Variants in GSE1 observed in about 807,000 individuals in gnomAD.
GSE1 encodes genetic suppressor element 1.
In GSE1, 32 loss-of-function variants were observed where a neutral mutation model predicts 112.6. The ratio of observed to expected loss-of-function variants is 0.28; its 90% CI spans 0.21 to 0.38. The LOEUF is 0.38. GSE1 is among the 10% of genes least tolerant of loss of function. The pLI, the probability that GSE1 is intolerant of heterozygous loss-of-function variation, is 1.00. For synonymous variants in GSE1, 1,115 were observed against 735.6 expected (o/e 1.52, Z -8.35); for missense variants, 2,348 against 1,699.2 (o/e 1.38, Z -6.71).
intron 2 of GSE1, among the ~76,000 whole-genome samples, chr16:85,425,595 G>A (rs570467256): frequency 3.3e-5 from 5 of 152,154 alleles, no homozygotes; most frequent in East Asian, 1.9e-4. Context: ...GGGAAGAGGC[G>A]CAGTAAAGGA....
intron 2 of GSE1, among the ~76,000 whole-genome samples, chr16:85,448,968 G>A (rs563898439): frequency 2.0e-5 from 3 of 152,102 alleles, no homozygotes; most frequent in Admixed American, 1.3e-4. Flanking sequence ...GCCTCTCCCC[G>A]CCCCTCCACC....
chr16:85,628,508 G>A (rs536609394), intron 1 of GSE1, among the ~76,000 whole-genome samples: 81 of 152,248 alleles, frequency 5.3e-4, no homozygotes, highest in African/African-American at 1.9e-3. Flanking sequence ...TCAGACCCAG[G>A]CATTGGAGGG....
chr16:85,560,150 T>TTTTTTTTCTA (rs1179259849), intron 1 of GSE1, among the ~76,000 whole-genome samples: 1 of 145,126 alleles, frequency 6.9e-6, no homozygotes, highest in African/African-American at 2.6e-5. Flanking sequence ...TTTTTTTTTT[T>TTTTTTTTCTA]ATGTGAGACG....
At chr16:85,225,132 A>AG (rs1008862764) in intron 1 of GSE1, among the ~76,000 whole-genome samples, 1 of 152,186 alleles carries the variant, frequency 6.6e-6, no homozygotes, top group African/African-American at 2.4e-5. Context: ...TTAAAAAAAA[A>AG]AAAGAAAGAA....
intron 3 of GSE1, among the ~76,000 whole-genome samples, chr16:85,649,393 A>G (rs990683049): frequency 1.3e-5 from 2 of 152,238 alleles, no homozygotes; most frequent in Non-Finnish European, 2.9e-5. Flanking sequence ...GAATTGAGGT[A>G]GGAAAGATCC....
At chr16:85,645,756 C>T (rs978639558) in intron 2 of GSE1, among the ~76,000 whole-genome samples, 4 of 152,242 alleles carry the variant, frequency 2.6e-5, no homozygotes, top group Admixed American at 2.0e-4. Context: ...GGCAGGATGC[C>T]GGGAGCTGAT....
Position 85,385,754 on chromosome 16 carries a change from C to T in GSE1, c.2464+28111C>T, listed in dbSNP as rs937945523. ...TCCTGGAGCCCTTCCGAGGCCTCGGCGGTAATGGGGTCATAGATCACTCCC... is the reference window on the plus strand; with the variant it reads ...TCCTGGAGCCCTTCCGAGGCCTCGGTGGTAATGGGGTCATAGATCACTCCC... On this transcript the variant is annotated intron_variant, in intron 2 of 2. Coordinates refer to the GSE1 transcript ENST00000637419. Among the ~76,000 whole-genome samples the T allele has an allele frequency of 2.0e-5, 3 of 152,194 alleles. No homozygotes were observed. In the East Asian group the frequency reaches 5.8e-4, roughly 29 times the overall value.
intron 2 of GSE1, among the ~76,000 whole-genome samples, chr16:85,366,804 A>G (rs1415979598): frequency 6.6e-6 from 1 of 152,274 alleles, no homozygotes; most frequent in Non-Finnish European, 1.5e-5. Context: ...GAATAAAAGC[A>G]GATCTTTATA....
chr16:85,377,187 C>T (rs899557838), intron 2 of GSE1, among the ~76,000 whole-genome samples: 4 of 152,188 alleles, frequency 2.6e-5, no homozygotes, highest in Admixed American at 1.3e-4. Context: ...TGCAGGAAGC[C>T]GTTTCTGTCC....
chr16:85,437,812 GTGGT>G (rs946400215), intron 2 of GSE1, among the ~76,000 whole-genome samples: 1 of 152,224 alleles, frequency 6.6e-6, no homozygotes, highest in African/African-American at 2.4e-5. Flanking sequence ...GCTATGTTCA[GTGGT>G]TGGACCGGCT....
intron 1 of GSE1, among the ~76,000 whole-genome samples, chr16:85,286,839 A>G (rs987122488): frequency 6.6e-6 from 1 of 152,174 alleles, no homozygotes; most frequent in Non-Finnish European, 1.5e-5. Context: ...TGTAGGGATT[A>G]AAAACAAAAT....
At chr16:85,354,158 C>T (rs2046904148) in intron 1 of GSE1, among the ~76,000 whole-genome samples, 1 of 152,228 alleles carries the variant, frequency 6.6e-6, no homozygotes, top group Non-Finnish European at 1.5e-5. Flanking sequence ...TCCTATAGTA[C>T]TTGTCATCTG....
At chr16:85,568,517 A>C (rs940442224) in intron 1 of GSE1, among the ~76,000 whole-genome samples, 2 of 152,290 alleles carry the variant, frequency 1.3e-5, no homozygotes, top group Non-Finnish European at 2.9e-5. Context: ...TCCATGGTAA[A>C]TTATTAATTT....
At chr16:85,624,499 G>A (rs554277962) in intron 1 of GSE1, among the ~76,000 whole-genome samples, 2 of 152,318 alleles carry the variant, frequency 1.3e-5, no homozygotes, top group South Asian at 2.1e-4. Flanking sequence ...GCACTAGGGT[G>A]GGCACCCAAA....
chr16:85,341,162 G>A (rs78473945), intron 1 of GSE1, among the ~76,000 whole-genome samples: 2 of 151,926 alleles, frequency 1.3e-5, no homozygotes, highest in Admixed American at 6.5e-5. Context: ...AAGAACATGC[G>A]AGTTTTTCTA....
chr16:85,671,074 A>C lies in GSE1; in HGVS notation c.3495A>C (p.Ala1165=). 6.2e-7 allele frequency: 1 copy of C among 1,607,238 alleles called. No homozygotes were observed. The highest frequency in any genetic ancestry group is 1.1e-5 in the South Asian group (1 of 90,944). Residue 1165 remains alanine, a synonymous_variant, in exon 15 of 16, where the codon GCA becomes GCC. Transcript: ENST00000253458. ...EARHYSLSLT[A]EQLSHSVAEL... is the part of the protein sequence containing the mutation. ...GGCACTACAGCCTCAGCCTGACGGC[A>C]GAGCAGCTCTCCCACAGCGTGGCGG...
chr16:85,446,280 T>G (rs1239176125), intron 2 of GSE1, among the ~76,000 whole-genome samples: 1 of 152,196 alleles, frequency 6.6e-6, no homozygotes, highest in Non-Finnish European at 1.5e-5. Flanking sequence ...TGGGACCAGA[T>G]GGTCTGACTA....
At chr16:85,220,961 C>G (rs578005923) in intron 1 of GSE1, among the ~76,000 whole-genome samples, 4 of 142,386 alleles carry the variant, frequency 2.8e-5, no homozygotes, top group Admixed American at 6.9e-5. Flanking sequence ...CTCCAGTGGC[C>G]CCTCTCCCCC....
At chr16:85,329,947 G>A (rs1415837809) in intron 1 of GSE1, among the ~76,000 whole-genome samples, 2 of 151,442 alleles carry the variant, frequency 1.3e-5, no homozygotes, top group African/African-American at 4.9e-5. Context: ...GGGGGGCAGG[G>A]GTAAGACCCC....
Sources: gnomAD v4.1 joint callset for allele counts (sites outside exome capture counted in the v4.1 genomes callset) on GRCh38, gnomAD v4.1.1 for gene constraint, MANE v1.5 for transcripts, NCBI Gene and HGNC (gene_info 2026-07-23, HGNC 2026-07-21) for gene names.